UGGT2: variants seen among roughly 807,000 people sequenced by gnomAD.
UGGT2 encodes UDP-glucose:glycoprotein glucosyltransferase 2.
In UGGT2, 180 loss-of-function variants were observed where a neutral mutation model predicts 192.1. That is an observed-to-expected ratio of 0.94 (90% confidence interval 0.83 to 1.06). UGGT2 has a LOEUF of 1.06. UGGT2 is among the 50% of genes least tolerant of loss of function. UGGT2 has a pLI of 0.00. For synonymous variants in UGGT2, 580 were observed against 591.0 expected (o/e 0.98, Z 0.27); for missense variants, 1,849 against 1,795.7 (o/e 1.03, Z -0.54).
rs182695848 is a variant in UGGT2 at position 95,859,064 on chromosome 13, G to A, written c.3825+527C>T. On this transcript the variant is annotated intron_variant, in intron 33 of 38. Coordinates refer to ENST00000376747, the MANE Select transcript of UGGT2 (RefSeq NM_020121.4). ...AAGAAACAGAGTATACTTTGTAGCA[G>A]GAGTATAGGGCTGAGTAAAGGGTAA... Among the ~76,000 whole-genome samples, 192 of 152,204 alleles carry A rather than the reference G, an allele frequency of 1.3e-3. 1 individual carries two copies. The highest frequency in any genetic ancestry group is 4.3e-3 in the African/African-American group (178 of 41,540).
At chr13:95,997,676 G>A (rs1282860333) in intron 6 of UGGT2, among the ~76,000 whole-genome samples, 1 of 152,082 alleles carries the variant, frequency 6.6e-6, no homozygotes, top group African/African-American at 2.4e-5. Context: ...GAAGTCTTTA[G>A]AAGAAATGAA....
intron 33 of UGGT2, among the ~76,000 whole-genome samples, chr13:95,858,511 C>T (rs1033347540): frequency 6.6e-6 from 1 of 152,124 alleles, no homozygotes; most frequent in African/African-American, 2.4e-5. Context: ...GTTGGCAATA[C>T]TCCACGAGTA....
Position 95,854,480 on chromosome 13 carries a change from A to G in UGGT2, c.4009-5T>C, listed in dbSNP as rs1302205006. On this transcript the variant is annotated splice_region_variant and splice_polypyrimidine_tract_variant and intron_variant, in intron 34 of 38. Coordinates refer to ENST00000376747, the MANE Select transcript of UGGT2 (RefSeq NM_020121.4). The stretch of plus-strand genomic sequence containing the variant: ...TTTTAGATCATGTCTCACAATCTAA[A>G]TAATTAAAATAGACTGTCTGATAAA... 4 of 1,596,980 alleles carry G rather than the reference A, an allele frequency of 2.5e-6. No individual in the cohort carries two copies. The highest frequency in any genetic ancestry group is 2.7e-5 in the African/African-American group (2 of 74,016).
At chr13:95,833,596 A>G (rs1886961813) in intron 37 of UGGT2, among the ~76,000 whole-genome samples, 1 of 152,214 alleles carries the variant, frequency 6.6e-6, no homozygotes, top group African/African-American at 2.4e-5. Flanking sequence ...ACTATTGAGT[A>G]CTACTATAGA....
intron 17 of UGGT2, among the ~76,000 whole-genome samples, chr13:95,931,707 G>T (rs2049279105): frequency 6.6e-6 from 1 of 152,150 alleles, no homozygotes; most frequent in Non-Finnish European, 1.5e-5. Flanking sequence ...TCACTGCCCG[G>T]GCCGGCAGCG....
At chr13:95,834,257 A>G (rs1566563910) in intron 37 of UGGT2, among the ~76,000 whole-genome samples, 1 of 151,690 alleles carries the variant, frequency 6.6e-6, no homozygotes, top group Admixed American at 6.6e-5. Flanking sequence ...TCATGCATAC[A>G]CTCTATAAGC....
At chr13:95,827,804 T>C (rs1285842691) in intron 38 of UGGT2, among the ~76,000 whole-genome samples, 1 of 152,146 alleles carries the variant, frequency 6.6e-6, no homozygotes, top group African/African-American at 2.4e-5. Context: ...TGCATCCCCA[T>C]TGTTCTTGTG....
intron 38 of UGGT2, among the ~76,000 whole-genome samples, chr13:95,820,030 C>A (rs1280601703): frequency 4.6e-5 from 7 of 152,070 alleles, no homozygotes; most frequent in African/African-American, 1.7e-4. Flanking sequence ...TGGTGGCACA[C>A]ACTTATAATC....
chr13:95,822,723 T>G (rs2139808276), intron 38 of UGGT2, among the ~76,000 whole-genome samples: 1 of 152,266 alleles, frequency 6.6e-6, no homozygotes, highest in South Asian at 2.1e-4. Context: ...TCACTAATGA[T>G]CTATCAATTT....
chr13:95,969,586 G>A (rs1040434054), intron 12 of UGGT2, among the ~76,000 whole-genome samples: 4 of 152,178 alleles, frequency 2.6e-5, no homozygotes, highest in Admixed American at 1.3e-4. Flanking sequence ...TGAAAAGAAC[G>A]TTTCACAGTC....
intron 17 of UGGT2, among the ~76,000 whole-genome samples, chr13:95,933,018 C>T (rs778985807): frequency 2.3e-4 from 35 of 152,128 alleles, no homozygotes; most frequent in Non-Finnish European, 3.7e-4. Flanking sequence ...CATCTATGTT[C>T]ATCAATGGTA....
intron 38 of UGGT2, among the ~76,000 whole-genome samples, chr13:95,825,554 A>G (rs181392428): frequency 6.6e-6 from 1 of 152,276 alleles, no homozygotes; most frequent in East Asian, 1.9e-4. Context: ...TGCAAGCCTG[A>G]ACCTGGAGGA....
intron 2 of UGGT2, among the ~76,000 whole-genome samples, chr13:96,024,437 G>A (rs1468060938): frequency 1.3e-5 from 2 of 152,234 alleles, no homozygotes; most frequent in Non-Finnish European, 2.9e-5. Flanking sequence ...GTGCAGCCTA[G>A]AGCTGAAGAA....
chr13:96,017,104 C>G, intron 4 of UGGT2, among the ~76,000 whole-genome samples: 1 of 152,150 alleles, frequency 6.6e-6, no homozygotes, highest in East Asian at 1.9e-4. Flanking sequence ...TTACCCAATG[C>G]CTGCACCATC....
intron 36 of UGGT2, among the ~76,000 whole-genome samples, chr13:95,842,372 T>A (rs1292649489): frequency 6.6e-6 from 1 of 152,218 alleles, no homozygotes; most frequent in Non-Finnish European, 1.5e-5. Context: ...GCATTGTTAT[T>A]TTTAGAGTCA....
In UGGT2 at chr13:95,947,043, T is replaced by G; in HGVS notation, c.1671A>C (p.Ile557=). The G allele has an allele frequency of 1.9e-6, 3 of 1,596,476 alleles. No homozygotes were observed. The change falls in exon 15 of 39, where the codon ATA becomes ATC. Residue 557 remains isoleucine (I), a synonymous_variant. Coordinates refer to ENST00000376747, the MANE Select transcript of UGGT2 (RefSeq NM_020121.4). ...EFDISEAFIS[I]VHMYQKVKKD... ...ATTTAGTGCATAAACTCACGTGTAC[T>G]ATAGAAATAAATGCTTCTGATATAT...
intron 38 of UGGT2, among the ~76,000 whole-genome samples, chr13:95,807,691 G>A (rs561285031): frequency 6.3e-5 from 8 of 127,740 alleles, no homozygotes; most frequent in African/African-American, 1.5e-4. Flanking sequence ...CTAGAAATCC[G>A]TATCTTGAAA....
chr13:95,971,077 G>A (rs186383374), intron 11 of UGGT2, among the ~76,000 whole-genome samples: 1 of 152,192 alleles, frequency 6.6e-6, no homozygotes, highest in Admixed American at 6.5e-5. Context: ...GGCTCCTCCC[G>A]CTACTCTCAG....
In UGGT2 at chr13:95,903,007, T is replaced by C; in HGVS notation, c.2349A>G (p.Ile783Met). The C allele has an allele frequency of 6.2e-7, 1 of 1,613,222 alleles. No individual in the cohort carries two copies. Among genetic ancestry groups the C allele is most frequent in the Non-Finnish European group, 8.5e-7 (1 of 1,179,612 alleles). ...TAGAAATAGCTGTGTTCTCTTCATT[T>C]ATTTTTGATGTAGGATTATAAATAA... is the stretch of plus-strand genomic sequence containing the variant. ...LGIIYNPTSK[I>M]NEENTAISRG... Residue 783 changes from isoleucine (I) to methionine (M), a missense_variant, in exon 21 of 39, where the codon ATA (isoleucine) becomes ATG (methionine). Transcript: ENST00000376747.
Sources: allele counts gnomAD v4.1 joint callset (sites outside exome capture counted in the v4.1 genomes callset), GRCh38; gene constraint gnomAD v4.1.1; transcripts MANE v1.5; gene names NCBI Gene and HGNC (gene_info 2026-07-23, HGNC 2026-07-21).